Variants in CHSY3 observed in about 807,000 individuals in gnomAD.
The protein encoded by CHSY3 is chondroitin sulfate synthase 3, also known as N-acetylgalactosaminyl-proteoglycan 3-beta-glucuronosyltransferase 3.
Under a neutral mutation model 67.2 loss-of-function variants are expected in CHSY3, and 35 were observed. The ratio of observed to expected loss-of-function variants is 0.52; its 90% confidence interval spans 0.40 to 0.69. The LOEUF (loss-of-function observed/expected upper bound fraction) is 0.69, where lower values mean the gene tolerates loss of function less well. Ranked by LOEUF, CHSY3 falls within the 30% of genes least tolerant of loss-of-function variation. The pLI, the probability that CHSY3 is intolerant of heterozygous loss-of-function variation, is 0.00. For synonymous variants in CHSY3, 474 were observed against 434.7 expected, an observed-to-expected ratio of 1.09 and a Z score of -1.12; for missense variants, 1,069 against 1,138.5, an observed-to-expected ratio of 0.94 and a Z score of 0.88.
chr5:130,184,099 C>T, intron 2 of CHSY3, 130 bp from the exon 3 acceptor site: 1 of 769,216 alleles, frequency 1.3e-6, no homozygotes, highest in African/African-American at 1.8e-5. Flanking sequence ...TATTACAAAC[C>T]ATTTTTGTTA....
At chr5:130,182,760 G>C (rs1770287783) in intron 2 of CHSY3, among the ~76,000 whole-genome samples, 1 of 151,752 alleles carries the variant, frequency 6.6e-6, no homozygotes, top group Non-Finnish European at 1.5e-5. Flanking sequence ...TCTCCAAACT[G>C]TAAGCTCTAT....
intron 2 of CHSY3, among the ~76,000 whole-genome samples, chr5:130,087,782 G>T (rs971079079): frequency 6.6e-5 from 10 of 151,510 alleles, no homozygotes; most frequent in African/African-American, 2.2e-4. Context: ...CATGAAAATG[G>T]CCATACCGCC....
chr5:129,950,451 G>T (rs188777242), intron 2 of CHSY3, among the ~76,000 whole-genome samples: 1 of 152,150 alleles, frequency 6.6e-6, no homozygotes, highest in South Asian at 2.1e-4. Context: ...GAAAGAAAAG[G>T]CATCTAAATA....
At chr5:130,081,062 T>A (rs1233180222) in intron 2 of CHSY3, among the ~76,000 whole-genome samples, 1 of 152,000 alleles carries the variant, frequency 6.6e-6, no homozygotes, top group African/African-American at 2.4e-5. Flanking sequence ...GAACATACAA[T>A]GGCTGGGAAC....
intron 2 of CHSY3, among the ~76,000 whole-genome samples, chr5:130,086,448 T>C (rs1273073216): frequency 1.3e-5 from 2 of 151,898 alleles, no homozygotes; most frequent in African/African-American, 4.9e-5. Flanking sequence ...CCTTTTTTTG[T>C]TTTCCATTTG....
At chr5:130,155,191 A>G (rs948739656) in intron 2 of CHSY3, among the ~76,000 whole-genome samples, 1 of 152,210 alleles carries the variant, frequency 6.6e-6, no homozygotes, top group African/African-American at 2.4e-5. Context: ...TGGATTCTGG[A>G]TAGATAGCTT....
intron 2 of CHSY3, among the ~76,000 whole-genome samples, chr5:130,013,059 G>C (rs1444243187): frequency 6.6e-6 from 1 of 151,658 alleles, no homozygotes. Flanking sequence ...AGGGGCTACT[G>C]GACCCATGCA....
chr5:130,108,027 C>A (rs1441406640), intron 2 of CHSY3, among the ~76,000 whole-genome samples: 1 of 151,622 alleles, frequency 6.6e-6, no homozygotes, highest in Non-Finnish European at 1.5e-5. Flanking sequence ...CATAACACAT[C>A]TGACAATTTT....
intron 2 of CHSY3, among the ~76,000 whole-genome samples, chr5:130,062,817 G>A (rs1359412691): frequency 2.6e-5 from 4 of 151,716 alleles, no homozygotes; most frequent in African/African-American, 9.7e-5. Flanking sequence ...ATATCAGACT[G>A]AAATAAATAT....
chr5:129,993,585 A>G (rs1763434692), intron 2 of CHSY3, among the ~76,000 whole-genome samples: 9 of 151,730 alleles, frequency 5.9e-5, no homozygotes, highest in Admixed American at 5.9e-4. Flanking sequence ...CCATCCCTTT[A>G]TTTTGAGCCT....
intron 2 of CHSY3, among the ~76,000 whole-genome samples, chr5:130,078,880 C>T (rs1415912439): frequency 2.0e-5 from 3 of 152,102 alleles, no homozygotes; most frequent in Non-Finnish European, 4.4e-5. Context: ...AGAATAAGGC[C>T]GGATCCATTG....
chr5:130,075,418 T>C (rs1766218028), intron 2 of CHSY3, among the ~76,000 whole-genome samples: 1 of 152,170 alleles, frequency 6.6e-6, no homozygotes, highest in Non-Finnish European at 1.5e-5. Flanking sequence ...TTGTATTCAT[T>C]CTACTAAAAA....
At chr5:130,078,638 C>A (rs1469070285) in intron 2 of CHSY3, among the ~76,000 whole-genome samples, 1 of 152,132 alleles carries the variant, frequency 6.6e-6, no homozygotes, top group Non-Finnish European at 1.5e-5. Context: ...CTCTCCTAGT[C>A]ACTATTATGT....
intron 2 of CHSY3, among the ~76,000 whole-genome samples, chr5:130,134,535 T>A (rs773665269): frequency 6.6e-6 from 1 of 152,158 alleles, no homozygotes; most frequent in African/African-American, 2.4e-5. Flanking sequence ...TTTACTCTCC[T>A]GAGCAGGGAC....
chr5:130,036,376 G>C (rs1764864059), intron 2 of CHSY3, among the ~76,000 whole-genome samples: 1 of 152,024 alleles, frequency 6.6e-6, no homozygotes, highest in Admixed American at 6.6e-5. Flanking sequence ...GCATATCGTA[G>C]CTAATCTAGA....
chr5:130,033,411 A>G (rs1420068688), intron 2 of CHSY3, among the ~76,000 whole-genome samples: 1 of 152,176 alleles, frequency 6.6e-6, no homozygotes, highest in African/African-American at 2.4e-5. Flanking sequence ...GAAGAGAGGC[A>G]TTAGTGAAAG....
At chr5:130,040,081 GGTTT>G (rs1764966530) in intron 2 of CHSY3, among the ~76,000 whole-genome samples, 1 of 152,042 alleles carries the variant, frequency 6.6e-6, no homozygotes, top group Admixed American at 6.6e-5. Flanking sequence ...TTTCGTCTAG[GGTTT>G]GTCTCCATCG....
chr5:130,022,070 G>A (rs184232227), intron 2 of CHSY3, among the ~76,000 whole-genome samples: 8 of 152,092 alleles, frequency 5.3e-5, no homozygotes, highest in South Asian at 2.1e-4. Flanking sequence ...CTGAAAGGCC[G>A]ACATTGCTTT....
intron 2 of CHSY3, among the ~76,000 whole-genome samples, chr5:130,071,580 T>C (rs1766071292): frequency 6.6e-6 from 1 of 151,544 alleles, no homozygotes. Flanking sequence ...TGTGTTTGTA[T>C]ACACATATCA....
Sources: gnomAD v4.1 joint callset for allele counts (sites outside exome capture counted in the v4.1 genomes callset) on GRCh38, gnomAD v4.1.1 for gene constraint, MANE v1.5 for transcripts, NCBI Gene and HGNC (gene_info 2026-07-23, HGNC 2026-07-21) for gene names.